Variants in COL5A2 observed in about 807,000 individuals in gnomAD.
COL5A2 encodes collagen type V alpha 2 chain, also known as collagen alpha-2(V) chain.
A neutral mutation model predicts 208.2 loss-of-function variants in COL5A2; 23 were observed. The ratio of observed to expected loss-of-function variants is 0.11; its 90% CI spans 0.08 to 0.16. The LOEUF (loss-of-function observed/expected upper bound fraction) is 0.16, where lower values mean the gene tolerates loss of function less well. Ranked by LOEUF, COL5A2 falls within the 10% of genes least tolerant of loss-of-function variation. The pLI is 1.00. For synonymous variants in COL5A2, 625 were observed against 628.5 expected (o/e 0.99, Z 0.08); for missense variants, 1,590 against 1,956.4 (o/e 0.81, Z 3.53).
chr2:189,376,829 CCAGA>C, the COL5A2 span, among the ~76,000 whole-genome samples: 4 of 152,048 alleles, frequency 2.6e-5, no homozygotes, highest in African/African-American at 7.2e-5. Context: ...TTCCATAAGG[CCAGA>C]CAAAGGCACT....
the COL5A2 span, among the ~76,000 whole-genome samples, chr2:189,399,104 T>C: frequency 2.6e-5 from 4 of 152,190 alleles, no homozygotes; most frequent in Admixed American, 6.5e-5. Context: ...TTTACTCTTA[T>C]AGCTTTTTAT....
the COL5A2 span, among the ~76,000 whole-genome samples, chr2:189,357,176 A>G: frequency 6.6e-6 from 1 of 152,106 alleles, no homozygotes; most frequent in Non-Finnish European, 1.5e-5. Context: ...GTCGGCCCCT[A>G]CTGGGAGGTG....
chr2:189,154,555 C>T (rs1688208168), intron 1 of COL5A2, among the ~76,000 whole-genome samples: 1 of 152,230 alleles, frequency 6.6e-6, no homozygotes, highest in South Asian at 2.1e-4. Context: ...CCCTCACCCT[C>T]CCTAGCATGA....
intron 5 of COL5A2, 64 bp from the exon 6 acceptor site, chr2:189,097,394 T>A (rs1445729125): frequency 1.3e-6 from 2 of 1,559,932 alleles, no homozygotes; most frequent in African/African-American, 2.7e-5. Flanking sequence ...TTTTTAAAAG[T>A]CTACTTGATA....
chr2:189,285,711 C>A, the COL5A2 span, among the ~76,000 whole-genome samples: 13 of 152,030 alleles, frequency 8.6e-5, no homozygotes, highest in African/African-American at 1.9e-4. Context: ...TAAAAGTGGT[C>A]GTTTAAAGTA....
At position 189,033,039 on chromosome 2, in the gene COL5A2, G is replaced by C. The variant is rs1329363856; in HGVS notation, c.*1031C>G. The C allele has an allele frequency of 2.6e-5, 4 of 152,616 alleles. No homozygotes were observed. The East Asian group carries it at 7.7e-4, about 30-fold the overall frequency. 9.5% of individuals were successfully genotyped at this position (152,616 alleles called of 1,614,324 possible). On this transcript the variant is annotated 3_prime_UTR_variant, in exon 54 of 54. Coordinates refer to ENST00000374866, the MANE Select transcript of COL5A2 (RefSeq NM_000393.5). ...AGGTAGCTCATGCTAAGAAATGTTG[G>C]GTCATTTTTCCTATGAAAGTTCAAA...
At chr2:189,070,363 G>A (rs569200069) in intron 18 of COL5A2, among the ~76,000 whole-genome samples, 48 of 152,266 alleles carry the variant, frequency 3.2e-4, no homozygotes, top group Admixed American at 3.1e-3. Flanking sequence ...ACTGGATTTG[G>A]AAATTTATTC....
chr2:189,159,074 C>T (rs879820571), intron 1 of COL5A2, among the ~76,000 whole-genome samples: 10 of 152,142 alleles, frequency 6.6e-5, no homozygotes, highest in Non-Finnish European at 1.0e-4. Flanking sequence ...CAGATGATTA[C>T]ATTTTTAACT....
the COL5A2 span, among the ~76,000 whole-genome samples, chr2:189,430,206 G>C: frequency 2.6e-5 from 4 of 152,132 alleles, no homozygotes; most frequent in Non-Finnish European, 5.9e-5. Context: ...ACTTGCACAG[G>C]ACTCTGAAGT....
At chr2:189,380,571 TA>T in the COL5A2 span, among the ~76,000 whole-genome samples, 2 of 151,396 alleles carry the variant, frequency 1.3e-5, no homozygotes, top group Non-Finnish European at 3.0e-5. Context: ...TACAAATAAG[TA>T]ATTAATATAG....
intron 1 of COL5A2, among the ~76,000 whole-genome samples, chr2:189,201,009 T>C (rs966482796): frequency 1.3e-5 from 2 of 152,004 alleles, no homozygotes; most frequent in African/African-American, 2.4e-5. Flanking sequence ...AACCTGGATC[T>C]ACACACACAC....
intron 35 of COL5A2, among the ~76,000 whole-genome samples, chr2:189,055,555 C>T (rs1382329958): frequency 1.3e-5 from 2 of 152,144 alleles, no homozygotes; most frequent in Non-Finnish European, 2.9e-5. Flanking sequence ...TCTGGATCTA[C>T]AATGGAATGA....
At chr2:189,050,884 T>A (rs1315856516) in intron 42 of COL5A2, among the ~76,000 whole-genome samples, 1 of 152,074 alleles carries the variant, frequency 6.6e-6, no homozygotes, top group African/African-American at 2.4e-5. Context: ...AGCTCATCCG[T>A]TGGAAAGAAA....
chr2:189,375,695 G>A, the COL5A2 span, among the ~76,000 whole-genome samples: 7 of 152,156 alleles, frequency 4.6e-5, no homozygotes, highest in Admixed American at 4.6e-4. Flanking sequence ...TTGCAAGATA[G>A]ATCCAAAGTG....
At chr2:189,279,360 G>T in the COL5A2 span, among the ~76,000 whole-genome samples, 2 of 151,806 alleles carry the variant, frequency 1.3e-5, no homozygotes, top group African/African-American at 4.8e-5. Flanking sequence ...CTAAATGACA[G>T]ATATTTAAAT....
the COL5A2 span, among the ~76,000 whole-genome samples, chr2:189,256,001 G>A: frequency 2.0e-5 from 3 of 152,172 alleles, no homozygotes; most frequent in African/African-American, 7.2e-5. Context: ...GCCAGAGGAC[G>A]TGGCATGATT....
At chr2:189,292,629 A>AAT in the COL5A2 span, among the ~76,000 whole-genome samples, 20 of 152,180 alleles carry the variant, frequency 1.3e-4, no homozygotes, top group African/African-American at 4.6e-4. Flanking sequence ...GATGTGGAGA[A>AAT]ATAGGAACAC....
chr2:189,083,284 AAGAGACAGGTGGGTTC>A (rs1686577386), intron 12 of COL5A2, among the ~76,000 whole-genome samples: 1 of 152,152 alleles, frequency 6.6e-6, no homozygotes, highest in Admixed American at 6.5e-5. Flanking sequence ...TTTGAGTGAC[AAGAGACAGGTGGGTTC>A]AGAGAACGGC....
the COL5A2 span, among the ~76,000 whole-genome samples, chr2:189,358,914 T>C: frequency 3.3e-5 from 5 of 152,194 alleles, no homozygotes; most frequent in Admixed American, 2.0e-4. Flanking sequence ...ATTTTTATGT[T>C]GGTTTTGTAA....
Sources: allele counts gnomAD v4.1 joint callset (sites outside exome capture counted in the v4.1 genomes callset), GRCh38; gene constraint gnomAD v4.1.1; transcripts MANE v1.5; gene names NCBI Gene and HGNC (gene_info 2026-07-23, HGNC 2026-07-21).